ANO1: variants seen among roughly 807,000 people sequenced by gnomAD.
ANO1 encodes anoctamin 1, also known as anoctamin-1.
In ANO1, 59 loss-of-function variants were observed where a neutral mutation model predicts 124.0. The observed-to-expected ratio is 0.48, with a 90% CI of 0.39 to 0.59. The LOEUF (loss-of-function observed/expected upper bound fraction) is 0.59, where lower values mean the gene tolerates loss of function less well. Ranked by LOEUF, ANO1 falls within the 20% of genes least tolerant of loss-of-function variation. ANO1 has a pLI of 0.00. For synonymous variants in ANO1, 529 were observed against 532.0 expected, an observed-to-expected ratio of 0.99 and a Z score of 0.08; for missense variants, 1,059 against 1,328.0, an observed-to-expected ratio of 0.80 and a Z score of 3.15.
rs1041549586 is a variant in ANO1 at position 70,188,122 on chromosome 11, A to G, written c.*118A>G. On this transcript the variant is annotated 3_prime_UTR_variant, in exon 26 of 26. Transcript: ENST00000355303. ...GGTGGGTCCTGGGTTTTCTGCAAAC[A>G]TGGAGGACCACTTTCTGATAGGACA... 37 of 1,162,768 alleles carry G rather than the reference A, an allele frequency of 3.2e-5. No individual in the cohort carries two copies. In the Admixed American group the frequency reaches 4.3e-4, roughly 14 times the overall value. The allele number at this position is 1,162,768 out of a possible 1,614,324, so 72.0% of individuals were successfully genotyped here.
At chr11:70,156,075 A>T in intron 15 of ANO1, 87 bp downstream of exon 15, 1 of 1,121,142 alleles carries the variant, frequency 8.9e-7, no homozygotes. Context: ...AAACTGTTGT[A>T]TATATTTTTT....
intron 22 of ANO1, among the ~76,000 whole-genome samples, chr11:70,173,083 C>T (rs1458758978): frequency 6.6e-6 from 1 of 152,162 alleles, no homozygotes; most frequent in Admixed American, 6.5e-5. Flanking sequence ...TTCACCAATC[C>T]TCCACTGTCT....
At chr11:69,967,033 G>T in the ANO1 span, among the ~76,000 whole-genome samples, 9 of 152,292 alleles carry the variant, frequency 5.9e-5, no homozygotes, top group East Asian at 5.8e-4. Flanking sequence ...TGGCCTCCAC[G>T]CAGTAGAGGC....
At chr11:70,027,621 G>A (rs1856930914) in intron 1 of ANO1, among the ~76,000 whole-genome samples, 1 of 152,230 alleles carries the variant, frequency 6.6e-6, no homozygotes, top group South Asian at 2.1e-4. Flanking sequence ...CTCGCACACA[G>A]TAGGTCCGCA....
chr11:70,110,089 C>T (rs1468058382), intron 6 of ANO1, among the ~76,000 whole-genome samples: 1 of 151,712 alleles, frequency 6.6e-6, no homozygotes, highest in Non-Finnish European at 1.5e-5. Flanking sequence ...GGGAGTGGCA[C>T]ATGCAAAGGC....
At chr11:69,982,075 G>C (rs782491732), upstream of ANO1, among the ~76,000 whole-genome samples, 1 of 152,214 alleles carries the variant, frequency 6.6e-6, no homozygotes, top group Non-Finnish European at 1.5e-5. Flanking sequence ...GCTGTACTCT[G>C]CGGGAATGGG....
intron 19 of ANO1, 191 bp from the exon 20 acceptor site, chr11:70,165,279 T>A (rs112595709): frequency 6.0e-5 from 36 of 598,562 alleles, no homozygotes; most frequent in African/African-American, 5.0e-4. Flanking sequence ...GAAAACACCC[T>A]GACTTGACTA....
chr11:70,047,521 G>A (rs782479391), intron 1 of ANO1, among the ~76,000 whole-genome samples: 26 of 152,142 alleles, frequency 1.7e-4, no homozygotes, highest in Admixed American at 3.3e-4. Flanking sequence ...CTTCAATGGG[G>A]ATAGAGAACA....
rs115759321 is a variant in ANO1, at chr11:70,179,352, G to A, written c.2351-652G>A. 4.5e-3 allele frequency among the ~76,000 whole-genome samples: 680 copies of A among 152,326 alleles called. 2 individuals are homozygous for A. The highest frequency in any genetic ancestry group is 0.015 in the African/African-American group (643 of 41,578). On this transcript the variant is annotated intron_variant, in intron 22 of 25. Coordinates refer to ENST00000355303, the MANE Select transcript of ANO1 (RefSeq NM_018043.7). ...TTGCAACACTGAGGCCCTGCTTCCT[G>A]GGCCATTGAGGGCCTCCTTCCTGGG...
chr11:70,015,981 C>G (rs782695894), intron 1 of ANO1, among the ~76,000 whole-genome samples: 2 of 152,068 alleles, frequency 1.3e-5, no homozygotes, highest in East Asian at 3.9e-4. Context: ...GGGGTGCAGA[C>G]GATGAACTGC....
chr11:70,004,581 C>T (rs1408943607), intron 1 of ANO1, among the ~76,000 whole-genome samples: 20 of 152,180 alleles, frequency 1.3e-4, no homozygotes, highest in Non-Finnish European at 2.2e-4. Context: ...TAAAGCGTGT[C>T]GCGACGTTAC....
At chr11:70,178,416 C>T (rs1198782964) in intron 22 of ANO1, among the ~76,000 whole-genome samples, 2 of 152,184 alleles carry the variant, frequency 1.3e-5, no homozygotes, top group Non-Finnish European at 2.9e-5. Flanking sequence ...CCACTGCACT[C>T]GTGCAAAAGA....
At chr11:69,988,723 G>C (rs1591018059) in intron 1 of ANO1, among the ~76,000 whole-genome samples, 1 of 152,158 alleles carries the variant, frequency 6.6e-6, no homozygotes, top group Non-Finnish European at 1.5e-5. Context: ...TACGCTTGTG[G>C]TCTGAACCTC....
intron 1 of ANO1, among the ~76,000 whole-genome samples, chr11:70,005,128 A>AAAAAT (rs1856463179): frequency 2.7e-5 from 4 of 146,924 alleles, no homozygotes; most frequent in Non-Finnish European, 3.0e-5. Context: ...AAAAAAAAAA[A>AAAAAT]TTGGTGACAG....
chr11:70,049,038 A>G lies in ANO1; in HGVS notation c.59-29504A>G, dbSNP rs80209123. On this transcript the variant is annotated intron_variant, in intron 1 of 27. Transcript: ENST00000531349. ...TTCCTGAACCACAACTGTTTTTCAC[A>G]GCAATTGCCAATGATGCTGGCCCCT... Among the ~76,000 whole-genome samples the G allele has an allele frequency of 1.6e-3, 251 of 152,260 alleles. 5 individuals are homozygous for G. The East Asian group carries it at 0.044, about 27-fold the overall frequency.
In ANO1 at chr11:70,185,603, C is replaced by G; in HGVS notation, c.2602C>G (p.Arg868Gly). The change falls in exon 25 of 26, where the codon CGA (arginine) becomes GGA (glycine). Residue 868 changes from arginine (R) to glycine (G), a missense_variant. By Grantham distance (125) the Arg-to-Gly change is moderately radical. Coordinates refer to ENST00000355303, the MANE Select transcript of ANO1 (RefSeq NM_018043.7). ...EVQICRYKDYREPPWSENKYD... is the reference protein window; with the variant it reads ...EVQICRYKDYGEPPWSENKYD... Reference sequence around the variant, plus strand: ...GGTCTTTTGCAGGTATAAAGACTACCGAGAGCCGCCGTGGTCGGAAAACAA... The same window carrying G: ...GGTCTTTTGCAGGTATAAAGACTACGGAGAGCCGCCGTGGTCGGAAAACAA... 1 of 1,613,862 alleles carries G rather than the reference C, an allele frequency of 6.2e-7. No individual in the cohort carries two copies. Among genetic ancestry groups the G allele is most frequent in the Non-Finnish European group, 8.5e-7 (1 of 1,179,834 alleles).
chr11:70,105,461 G>A (rs2045482974), intron 4 of ANO1, among the ~76,000 whole-genome samples: 2 of 152,120 alleles, frequency 1.3e-5, no homozygotes, highest in African/African-American at 4.8e-5. Context: ...GGGGGCTGTG[G>A]GGGGTGGGGG....
intron 10 of ANO1, chr11:70,129,847 T>A (rs1184501964): frequency 6.6e-6 from 1 of 152,194 alleles, no homozygotes; most frequent in African/African-American, 2.4e-5. Context: ...GGTCTCAAAC[T>A]CCTGACCTCG....
At chr11:70,182,773 C>G in intron 24 of ANO1, 87 bp downstream of exon 24, 2 of 1,170,056 alleles carry the variant, frequency 1.7e-6, no homozygotes, top group Non-Finnish European at 2.3e-6. Context: ...AAATCAGGAG[C>G]AAGTCATGAA....
Sources: gnomAD v4.1 joint callset for allele counts (sites outside exome capture counted in the v4.1 genomes callset) on GRCh38, gnomAD v4.1.1 for gene constraint, MANE v1.5 for transcripts, NCBI Gene and HGNC (gene_info 2026-07-23, HGNC 2026-07-21) for gene names.